Variants in SUGCT observed in about 807,000 individuals in gnomAD.
The protein encoded by SUGCT is succinyl-CoA:glutarate-CoA transferase, also known as succinyl-CoA:glutarate CoA-transferase.
A neutral mutation model predicts 55.0 loss-of-function variants in SUGCT; 41 were observed. The observed-to-expected ratio is 0.74, with a 90% confidence interval of 0.58 to 0.97. The LOEUF is 0.97. Among genes scored for constraint, SUGCT ranks in the 50% least tolerant of loss-of-function variants. SUGCT has a pLI of 0.00. For synonymous variants in SUGCT, 187 were observed against 200.4 expected (o/e 0.93, Z 0.56); for missense variants, 568 against 547.8 (o/e 1.04, Z -0.37).
At chr7:40,962,768 C>T in the SUGCT span, among the ~76,000 whole-genome samples, 17 of 152,138 alleles carry the variant, frequency 1.1e-4, no homozygotes, top group South Asian at 1.9e-3. Flanking sequence ...ACAATGGCTC[C>T]GGGTTGACTT....
chr7:40,316,658 A>G, intron 8 of SUGCT, 102 bp from the exon 9 acceptor site: 1 of 713,544 alleles, frequency 1.4e-6, no homozygotes, highest in Non-Finnish European at 2.2e-6. Flanking sequence ...TTTTTCTTCT[A>G]CAATGAGATG....
downstream of SUGCT, among the ~76,000 whole-genome samples, chr7:40,865,171 T>G (rs551933883): frequency 2.0e-5 from 3 of 151,982 alleles, no homozygotes; most frequent in East Asian, 5.8e-4. Context: ...CTTTTCTCCT[T>G]TCTTCATCTC....
intron 9 of SUGCT, among the ~76,000 whole-genome samples, chr7:40,333,693 A>ATG (rs1796486033): frequency 7.6e-6 from 1 of 130,780 alleles, no homozygotes; most frequent in African/African-American, 2.8e-5. Flanking sequence ...ATATATATAT[A>ATG]TATATATATA....
At chr7:40,444,506 G>A (rs1454920180) in intron 9 of SUGCT, among the ~76,000 whole-genome samples, 7 of 152,010 alleles carry the variant, frequency 4.6e-5, no homozygotes, top group South Asian at 2.1e-4. Flanking sequence ...GTGTTCACTC[G>A]TGATTTGGCT....
At chr7:40,752,475 C>T (rs1449511091) in intron 13 of SUGCT, among the ~76,000 whole-genome samples, 1 of 152,198 alleles carries the variant, frequency 6.6e-6, no homozygotes, top group Non-Finnish European at 1.5e-5. Context: ...CCTGCCTCAG[C>T]CTCCTGAGTA....
chr7:40,657,369 T>C (rs1801067009), intron 12 of SUGCT, among the ~76,000 whole-genome samples: 1 of 152,160 alleles, frequency 6.6e-6, no homozygotes, highest in Admixed American at 6.5e-5. Flanking sequence ...AGATTGACAA[T>C]AATGTCAATC....
chr7:40,817,459 T>C (rs941708690), intron 13 of SUGCT, among the ~76,000 whole-genome samples: 6 of 152,156 alleles, frequency 3.9e-5, no homozygotes, highest in African/African-American at 1.4e-4. Context: ...TAAGTAAGAA[T>C]AGTGACTGGA....
chr7:40,765,645 TC>T (rs1393043382), intron 13 of SUGCT, among the ~76,000 whole-genome samples: 5 of 152,342 alleles, frequency 3.3e-5, no homozygotes, highest in Admixed American at 2.0e-4. Flanking sequence ...ATTATGTTCT[TC>T]TTTATCTTTT....
intron 12 of SUGCT, among the ~76,000 whole-genome samples, chr7:40,543,873 T>C (rs1794838917): frequency 6.6e-6 from 1 of 152,190 alleles, no homozygotes; most frequent in Non-Finnish European, 1.5e-5. Flanking sequence ...AGCACCACAT[T>C]TGAAATATGA....
At chr7:40,229,161 A>T (rs1309986764) in intron 6 of SUGCT, among the ~76,000 whole-genome samples, 1 of 152,226 alleles carries the variant, frequency 6.6e-6, no homozygotes, top group African/African-American at 2.4e-5. Context: ...TAGGAATCTC[A>T]GTGATACTGG....
chr7:40,986,718 TA>T, the SUGCT span, among the ~76,000 whole-genome samples: 2 of 152,198 alleles, frequency 1.3e-5, no homozygotes, highest in South Asian at 2.1e-4. Flanking sequence ...TTCCCAGAAT[TA>T]AACTGTCTTG....
At chr7:40,377,194 CT>C (rs1240336957) in intron 9 of SUGCT, among the ~76,000 whole-genome samples, 44 of 7,538 alleles carry the variant, frequency 5.8e-3, no homozygotes, top group Non-Finnish European at 0.044. Flanking sequence ...TTCTTTCTTT[CT>C]TTCTTTTCTT....
intron 12 of SUGCT, among the ~76,000 whole-genome samples, chr7:40,635,579 A>G (rs1169287691): frequency 2.6e-5 from 4 of 152,374 alleles, no homozygotes; most frequent in African/African-American, 9.6e-5. Context: ...GAATCTCTAT[A>G]TAAACACATT....
chr7:40,160,488 T>C (rs2150641185), intron 1 of SUGCT, among the ~76,000 whole-genome samples: 1 of 152,174 alleles, frequency 6.6e-6, no homozygotes, highest in South Asian at 2.1e-4. Flanking sequence ...CTTGGCTTTC[T>C]AAAGTGCTGG....
intron 12 of SUGCT, among the ~76,000 whole-genome samples, chr7:40,598,975 G>C (rs1404769545): frequency 6.6e-6 from 1 of 152,144 alleles, no homozygotes; most frequent in African/African-American, 2.4e-5. Flanking sequence ...TTCTGTCCAC[G>C]ATTCTAAACT....
At chr7:41,034,977 C>T in the SUGCT span, among the ~76,000 whole-genome samples, 1 of 152,208 alleles carries the variant, frequency 6.6e-6, no homozygotes, top group Admixed American at 6.5e-5. Context: ...CTCCCTATTT[C>T]TCTGCCCCAC....
intron 7 of SUGCT, among the ~76,000 whole-genome samples, chr7:40,245,733 C>T (rs916061315): frequency 5.9e-5 from 9 of 151,676 alleles, no homozygotes; most frequent in Admixed American, 2.0e-4. Context: ...CCACTGTGCC[C>T]GGCATAGTAG....
intron 12 of SUGCT, among the ~76,000 whole-genome samples, chr7:40,621,158 A>G (rs1799246116): frequency 1.3e-5 from 2 of 152,094 alleles, no homozygotes; most frequent in African/African-American, 4.8e-5. Context: ...ATATACATAT[A>G]TGTATTATTA....
intron 13 of SUGCT, among the ~76,000 whole-genome samples, chr7:40,768,735 G>A (rs1788935523): frequency 6.6e-6 from 1 of 152,182 alleles, no homozygotes; most frequent in South Asian, 2.1e-4. Flanking sequence ...TCGTATCATG[G>A]TTGATGCTTG....
Sources: gnomAD v4.1 joint callset for allele counts (sites outside exome capture counted in the v4.1 genomes callset) on GRCh38, gnomAD v4.1.1 for gene constraint, MANE v1.5 for transcripts, NCBI Gene and HGNC (gene_info 2026-07-23, HGNC 2026-07-21) for gene names.